PRKG1: variants seen among roughly 807,000 people sequenced by gnomAD.
The protein encoded by PRKG1 is protein kinase cGMP-dependent 1.
PRKG1 carries 35 observed loss-of-function variants against 88.1 expected under a neutral mutation model. The ratio of observed to expected loss-of-function variants is 0.40; its 90% CI spans 0.30 to 0.53. The LOEUF (loss-of-function observed/expected upper bound fraction) is 0.53, where lower values mean the gene tolerates loss of function less well. Ranked by LOEUF, PRKG1 falls within the 20% of genes least tolerant of loss-of-function variation. The pLI is 0.59. For synonymous variants in PRKG1, 303 were observed against 292.5 expected (o/e 1.04, Z -0.37); for missense variants, 540 against 839.8 (o/e 0.64, Z 4.41).
At chr10:52,137,777 T>G (rs1438662925) in intron 8 of PRKG1, among the ~76,000 whole-genome samples, 1 of 152,144 alleles carries the variant, frequency 6.6e-6, no homozygotes, top group East Asian at 1.9e-4. Context: ...ATCTTTTTGA[T>G]CTACAGTTAG....
chr10:51,010,568 A>G (rs896876073), intron 1 of PRKG1, among the ~76,000 whole-genome samples: 6 of 152,246 alleles, frequency 3.9e-5, no homozygotes, highest in East Asian at 1.9e-4. Context: ...GGGAACATGT[A>G]TCATGAAATA....
intron 3 of PRKG1, among the ~76,000 whole-genome samples, chr10:51,470,028 A>C (rs1397062196): frequency 6.6e-6 from 1 of 151,738 alleles, no homozygotes; most frequent in Non-Finnish European, 1.5e-5. Context: ...TGTACTTGTG[A>C]CTGTAGGCCT....
At chr10:51,743,749 T>A (rs1393589579) in intron 3 of PRKG1, among the ~76,000 whole-genome samples, 3 of 133,464 alleles carry the variant, frequency 2.2e-5, no homozygotes, top group African/African-American at 8.7e-5. Context: ...TATATATATA[T>A]ATATATATAT....
chr10:51,336,260 G>A (rs1841873471), intron 2 of PRKG1, among the ~76,000 whole-genome samples: 1 of 152,072 alleles, frequency 6.6e-6, no homozygotes, highest in Non-Finnish European at 1.5e-5. Context: ...GGCTGACGCA[G>A]GAGAATCACT....
At chr10:52,080,086 G>A (rs1240375117) in intron 7 of PRKG1, among the ~76,000 whole-genome samples, 1 of 151,990 alleles carries the variant, frequency 6.6e-6, no homozygotes, top group Non-Finnish European at 1.5e-5. Flanking sequence ...CTACTTCTTT[G>A]GCTTTATCTA....
At chr10:51,295,089 GA>G (rs373806080) in intron 2 of PRKG1, among the ~76,000 whole-genome samples, 19 of 146,738 alleles carry the variant, frequency 1.3e-4, no homozygotes, top group Admixed American at 2.0e-4. Context: ...TCTCTAAGAG[GA>G]AAAAAAAAAG....
chr10:51,800,927 T>C (rs1425064204), intron 3 of PRKG1, among the ~76,000 whole-genome samples: 5 of 152,086 alleles, frequency 3.3e-5, no homozygotes, highest in Non-Finnish European at 5.9e-5. Context: ...GCTTCAACGT[T>C]TGAATTTTGG....
intron 3 of PRKG1, among the ~76,000 whole-genome samples, chr10:51,540,554 A>T (rs1842274524): frequency 6.6e-6 from 1 of 152,230 alleles, no homozygotes; most frequent in Non-Finnish European, 1.5e-5. Context: ...ACATATAATT[A>T]CAGATCTATT....
intron 10 of PRKG1, among the ~76,000 whole-genome samples, chr10:52,262,261 T>C (rs551308684): frequency 5.4e-5 from 8 of 147,020 alleles, no homozygotes; most frequent in African/African-American, 2.2e-4. Context: ...ATGAAGCTGG[T>C]TTTTTTTGTT....
At chr10:51,629,497 A>G (rs899905361) in intron 3 of PRKG1, among the ~76,000 whole-genome samples, 6 of 151,780 alleles carry the variant, frequency 4.0e-5, no homozygotes, top group Non-Finnish European at 8.8e-5. Flanking sequence ...TGTGTTGCTT[A>G]TGTCCAGTCT....
At chr10:51,478,834 T>C (rs1840274734) in intron 3 of PRKG1, among the ~76,000 whole-genome samples, 1 of 151,956 alleles carries the variant, frequency 6.6e-6, no homozygotes, top group African/African-American at 2.4e-5. Context: ...GGCTACCAAA[T>C]TATTAAAATA....
chr10:51,238,650 T>G (rs1258982546), intron 2 of PRKG1, among the ~76,000 whole-genome samples: 1 of 135,650 alleles, frequency 7.4e-6, no homozygotes, highest in African/African-American at 2.8e-5. Context: ...AATCTCAGCT[T>G]CTCAGGAGGC....
chr10:51,641,918 A>G (rs1448787019), intron 3 of PRKG1, among the ~76,000 whole-genome samples: 1 of 152,134 alleles, frequency 6.6e-6, no homozygotes, highest in African/African-American at 2.4e-5. Context: ...CAGAAAAAGC[A>G]GTTCTGTTTC....
At chr10:51,377,676 T>C (rs1249087726) in intron 2 of PRKG1, among the ~76,000 whole-genome samples, 5 of 152,194 alleles carry the variant, frequency 3.3e-5, no homozygotes, top group Non-Finnish European at 7.3e-5. Context: ...GTTGTTTTTC[T>C]TTAAAAAAAT....
At chr10:51,413,897 A>G (rs577801899) in intron 2 of PRKG1, among the ~76,000 whole-genome samples, 1 of 152,244 alleles carries the variant, frequency 6.6e-6, no homozygotes, top group South Asian at 2.1e-4. Context: ...TTGATAACCA[A>G]AAGACCCAAA....
intron 2 of PRKG1, among the ~76,000 whole-genome samples, chr10:51,161,201 A>C (rs1846351655): frequency 6.6e-6 from 1 of 152,108 alleles, no homozygotes; most frequent in Non-Finnish European, 1.5e-5. Context: ...GATTTGATGA[A>C]TAGAGGTAGG....
chr10:52,104,028 G>T (rs1162317734), intron 7 of PRKG1, among the ~76,000 whole-genome samples: 2 of 146,460 alleles, frequency 1.4e-5, no homozygotes, highest in African/African-American at 2.5e-5. Context: ...TATATATAAT[G>T]AGATATATAT....
At chr10:51,347,878 G>A (rs1316221819) in intron 2 of PRKG1, among the ~76,000 whole-genome samples, 2 of 148,900 alleles carry the variant, frequency 1.3e-5, no homozygotes, top group South Asian at 2.2e-4. Flanking sequence ...TGGCTAACAC[G>A]GTGAAACCCC....
chr10:51,922,593 C>A (rs1457036250), intron 5 of PRKG1, among the ~76,000 whole-genome samples: 1 of 151,608 alleles, frequency 6.6e-6, no homozygotes, highest in Non-Finnish European at 1.5e-5. Context: ...TGGTAAGTTG[C>A]ATTTTGATTT....
Sources: allele counts gnomAD v4.1 joint callset (sites outside exome capture counted in the v4.1 genomes callset), GRCh38; gene constraint gnomAD v4.1.1; transcripts MANE v1.5; gene names NCBI Gene and HGNC (gene_info 2026-07-23, HGNC 2026-07-21).